DOCK4: variants seen among roughly 807,000 people sequenced by gnomAD.
DOCK4 encodes dedicator of cytokinesis 4.
In DOCK4, 97 loss-of-function variants were observed where a neutral mutation model predicts 268.1. The ratio of observed to expected loss-of-function variants is 0.36; its 90% CI spans 0.31 to 0.43. DOCK4 has a LOEUF of 0.43. Ranked by LOEUF, DOCK4 falls within the 20% of genes least tolerant of loss-of-function variation. DOCK4 has a pLI of 1.00. For missense variants in DOCK4, 2,145 were observed against 2,455.7 expected (o/e 0.87, Z 2.67); for synonymous variants, 954 against 887.2 (o/e 1.08, Z -1.34).
chr7:112,070,321 G>A (rs567354592), intron 1 of DOCK4, among the ~76,000 whole-genome samples: 40 of 152,178 alleles, frequency 2.6e-4, no homozygotes, highest in African/African-American at 8.7e-4. Flanking sequence ...TCAGCACTTC[G>A]GGCTTAAGCA....
At chr7:111,934,347 T>C (rs1265796605) in intron 12 of DOCK4, among the ~76,000 whole-genome samples, 1 of 152,038 alleles carries the variant, frequency 6.6e-6, no homozygotes, top group East Asian at 1.9e-4. Context: ...CGACTTATAG[T>C]GGTATATATT....
At chr7:111,819,117 T>A (rs1316925566) in intron 27 of DOCK4, among the ~76,000 whole-genome samples, 1 of 152,206 alleles carries the variant, frequency 6.6e-6, no homozygotes, top group Non-Finnish European at 1.5e-5. Flanking sequence ...TAGTGCATGA[T>A]ATGTTTGAGG....
intron 12 of DOCK4, among the ~76,000 whole-genome samples, chr7:111,926,870 A>AAAGG (rs143004189): frequency 0.015 from 2,229 of 149,986 alleles, 20 homozygotes; most frequent in Middle Eastern, 0.024. Flanking sequence ...AGAGAGAGAG[A>AAAGG]AAGGAAGGAA....
intron 12 of DOCK4, among the ~76,000 whole-genome samples, chr7:111,926,823 G>A (rs1173929600): frequency 1.4e-5 from 2 of 139,378 alleles, no homozygotes; most frequent in Admixed American, 1.5e-4. Flanking sequence ...ACAGCGTGAG[G>A]CAAAGAAAAA....
intron 22 of DOCK4, 88 bp from the exon 23 acceptor site, chr7:111,863,652 A>G: frequency 7.4e-7 from 1 of 1,355,250 alleles, no homozygotes; most frequent in South Asian, 1.5e-5. Context: ...GGACCGTGGC[A>G]AGTGTTTTTG....
At chr7:112,178,404 G>A (rs1019524895) in intron 1 of DOCK4, among the ~76,000 whole-genome samples, 1 of 152,180 alleles carries the variant, frequency 6.6e-6, no homozygotes, top group African/African-American at 2.4e-5. Flanking sequence ...AGCTAAAAGA[G>A]GGTGGGGAGC....
intron 6 of DOCK4, among the ~76,000 whole-genome samples, chr7:111,985,564 G>A (rs1452604455): frequency 6.6e-6 from 1 of 152,072 alleles, no homozygotes; most frequent in Non-Finnish European, 1.5e-5. Flanking sequence ...CCTACTTCAA[G>A]CCAGGCACTG....
chr7:111,809,167 C>G, intron 29 of DOCK4, 134 bp downstream of exon 29: 1 of 759,184 alleles, frequency 1.3e-6, no homozygotes, highest in Non-Finnish European at 2.1e-6. Context: ...CCAGAAAAGA[C>G]TGCTTCTTGA....
At chr7:112,154,854 C>T (rs1035637150) in intron 1 of DOCK4, among the ~76,000 whole-genome samples, 2 of 152,294 alleles carry the variant, frequency 1.3e-5, no homozygotes, top group East Asian at 3.9e-4. Flanking sequence ...CATGCAATAG[C>T]GGGGAGCATT....
At position 112,156,798 on chromosome 7, in the gene DOCK4, T is replaced by C. The variant is rs370982233; in HGVS notation, c.37+49304A>G. Among the ~76,000 whole-genome samples, 14 of 152,272 alleles carry C rather than the reference T, an allele frequency of 9.2e-5. No homozygotes were observed. In the East Asian group the frequency reaches 2.7e-3, roughly 29 times the overall value. On this transcript the variant is annotated intron_variant, in intron 1 of 52. Transcript: ENST00000428084. Reference sequence around the variant, plus strand: ...TCACTATATATTCAAGGTAGTTTTATTTACAAAGAAAGAAAATGGACAACC... The same window carrying C: ...TCACTATATATTCAAGGTAGTTTTACTTACAAAGAAAGAAAATGGACAACC...
chr7:111,802,842 C>G (rs917697085), intron 30 of DOCK4, among the ~76,000 whole-genome samples: 8 of 152,034 alleles, frequency 5.3e-5, no homozygotes, highest in Non-Finnish European at 7.4e-5. Context: ...GACTCTTGTC[C>G]TTCCCATTTT....
intron 1 of DOCK4, among the ~76,000 whole-genome samples, chr7:112,029,663 T>C (rs900105395): frequency 2.0e-5 from 3 of 152,206 alleles, no homozygotes; most frequent in Non-Finnish European, 4.4e-5. Flanking sequence ...TGAACTTACA[T>C]GGAAATTCAT....
intron 27 of DOCK4, among the ~76,000 whole-genome samples, chr7:111,817,634 T>C (rs1801654203): frequency 6.6e-6 from 1 of 152,206 alleles, no homozygotes; most frequent in Non-Finnish European, 1.5e-5. Flanking sequence ...CCTAGCAACC[T>C]TGCATGCAAT....
chr7:112,093,562 T>C (rs1220171969), intron 1 of DOCK4, among the ~76,000 whole-genome samples: 1 of 152,144 alleles, frequency 6.6e-6, no homozygotes, highest in Non-Finnish European at 1.5e-5. Context: ...CTTTCCCTGT[T>C]TTAAAACACT....
At chr7:111,984,764 A>G (rs769277433) in intron 6 of DOCK4, among the ~76,000 whole-genome samples, 2 of 152,182 alleles carry the variant, frequency 1.3e-5, no homozygotes, top group Non-Finnish European at 2.9e-5. Flanking sequence ...TTGGTTCTAG[A>G]AATTGGAGTT....
chr7:112,184,318 G>T (rs1157901005), intron 1 of DOCK4, among the ~76,000 whole-genome samples: 2 of 152,094 alleles, frequency 1.3e-5, no homozygotes, highest in African/African-American at 4.8e-5. Context: ...TAATATAACT[G>T]GGCAGGGTCA....
intron 8 of DOCK4, among the ~76,000 whole-genome samples, chr7:111,970,185 T>C (rs964617254): frequency 3.3e-5 from 5 of 152,290 alleles, no homozygotes; most frequent in Admixed American, 2.0e-4. Context: ...ATGAAGAATA[T>C]AGAATCTTAT....
intron 1 of DOCK4, among the ~76,000 whole-genome samples, chr7:112,029,132 A>G (rs1803058714): frequency 1.3e-5 from 2 of 152,212 alleles, no homozygotes; most frequent in South Asian, 4.1e-4. Context: ...GTGCCTGCTC[A>G]TTCCTTGGTT....
At position 111,912,519 on chromosome 7, in the gene DOCK4, T is replaced by G. The variant is rs1276165361; in HGVS notation, c.1192+3260A>C. ...CTTGATTTGTAAAAACAAGAGGATA[T>G]GTCAAAAAAATTTTAAATGTAAGCC... On this transcript the variant is annotated intron_variant, in intron 13 of 52. Coordinates refer to ENST00000428084, the MANE Select transcript of DOCK4 (RefSeq NM_001363540.2). 2.0e-5 allele frequency among the ~76,000 whole-genome samples: 3 copies of G among 152,030 alleles called. No homozygotes were observed. The South Asian group carries it at 6.2e-4, about 31-fold the overall frequency.
Sources: allele counts gnomAD v4.1 joint callset (sites outside exome capture counted in the v4.1 genomes callset), GRCh38; gene constraint gnomAD v4.1.1; transcripts MANE v1.5; gene names NCBI Gene and HGNC (gene_info 2026-07-23, HGNC 2026-07-21).